The following MGST1 variants were observed in gnomAD, a reference collection of about 807,000 sequenced individuals.
MGST1 encodes the protein microsomal glutathione S-transferase 1.
MGST1 carries 5 observed loss-of-function variants against 8.9 expected under a neutral mutation model. The observed-to-expected ratio is 0.56, with a 90% CI of 0.29 to 1.19. The LOEUF is 1.19. Ranked by LOEUF, MGST1 falls within the 50% of genes most tolerant of loss-of-function variation. MGST1 has a pLI of 0.08. For missense variants in MGST1, 182 were observed against 187.4 expected (o/e 0.97, Z 0.17); for synonymous variants, 54 against 67.8 (o/e 0.80, Z 1.00).
chr12:16,536,378 A>G (rs902658128), intron 4 of MGST1, among the ~76,000 whole-genome samples: 3 of 152,190 alleles, frequency 2.0e-5, no homozygotes, highest in Non-Finnish European at 2.9e-5. Flanking sequence ...AGAATTATCA[A>G]TTCTATCTAA....
chr12:16,575,261 C>A (rs961046352), intron 4 of MGST1, among the ~76,000 whole-genome samples: 12 of 152,070 alleles, frequency 7.9e-5, no homozygotes, highest in Non-Finnish European at 1.5e-5. Flanking sequence ...TGTTTATCTT[C>A]AAAAATATAG....
intron 4 of MGST1, among the ~76,000 whole-genome samples, chr12:16,523,625 A>G (rs1447725403): frequency 3.3e-5 from 5 of 152,134 alleles, no homozygotes; most frequent in South Asian, 4.1e-4. Context: ...TCTGTCTTAC[A>G]TGCTATTCCA....
At chr12:16,467,386 C>T (rs80168600) in intron 4 of MGST1, among the ~76,000 whole-genome samples, 3,066 of 152,222 alleles carry the variant, frequency 0.02, 102 homozygotes, top group African/African-American at 0.07. Context: ...TTACATAAAC[C>T]ATCACATTCA....
chr12:16,409,331 C>T (rs115842509), intron 1 of MGST1, among the ~76,000 whole-genome samples: 21 of 151,828 alleles, frequency 1.4e-4, no homozygotes, highest in Non-Finnish European at 2.5e-4. Context: ...CACACACACA[C>T]CTATATATAT....
At chr12:16,476,245 C>A (rs547548434) in intron 4 of MGST1, among the ~76,000 whole-genome samples, 41 of 152,258 alleles carry the variant, frequency 2.7e-4, no homozygotes, top group Non-Finnish European at 5.3e-4. Flanking sequence ...AAACACTAAG[C>A]AGGAAAAATA....
chr12:16,553,001 G>C (rs1334071967), intron 4 of MGST1, among the ~76,000 whole-genome samples: 2 of 152,096 alleles, frequency 1.3e-5, no homozygotes, highest in Non-Finnish European at 2.9e-5. Flanking sequence ...TGTGACATCA[G>C]TCGACTTTGT....
intron 1 of MGST1, among the ~76,000 whole-genome samples, chr12:16,428,521 C>T (rs1053261951): frequency 6.7e-6 from 1 of 149,054 alleles, no homozygotes; most frequent in Non-Finnish European, 1.5e-5. Flanking sequence ...AATTATTATT[C>T]TAGTGTTTAT....
intron 4 of MGST1, among the ~76,000 whole-genome samples, chr12:16,588,674 T>C (rs1315780129): frequency 6.6e-6 from 1 of 152,102 alleles, no homozygotes; most frequent in Non-Finnish European, 1.5e-5. Context: ...TCTCCAGTGT[T>C]GAGATATTTT....
intron 4 of MGST1, among the ~76,000 whole-genome samples, chr12:16,475,797 G>C (rs570782770): frequency 1.3e-4 from 20 of 152,256 alleles, no homozygotes; most frequent in African/African-American, 4.6e-4. Context: ...CCAGGTGGCT[G>C]ATGAATTAAT....
chr12:16,538,608 C>CTTTTTTTTTTTTTT (rs35801123), intron 4 of MGST1, among the ~76,000 whole-genome samples: 4 of 128,242 alleles, frequency 3.1e-5, no homozygotes, highest in African/African-American at 1.2e-4. Flanking sequence ...AAAGGCACTT[C>CTTTTTTTTTTTTTT]TTTTTTTTTT....
rs373566219 is a variant in MGST1 at position 16,402,431 on chromosome 12, G to A, written n.778+18827G>A. ...CAGAGTCACAGCCATAGCCCTGGACGCCGCTTCTCCTCGGGTTCTGAGAAT... is the reference window on the plus strand; with the variant it reads ...CAGAGTCACAGCCATAGCCCTGGACACCGCTTCTCCTCGGGTTCTGAGAAT... On this transcript the variant is annotated intron_variant and non_coding_transcript_variant, in intron 1 of 1. Transcript: ENST00000359720. 4.9e-5 allele frequency: 79 copies of A among 1,603,586 alleles called. No homozygotes were observed. The East Asian group carries it at 8.7e-4, about 18-fold the overall frequency.
intron 4 of MGST1, among the ~76,000 whole-genome samples, chr12:16,540,293 G>GC (rs1202620986): frequency 1.3e-5 from 2 of 152,062 alleles, no homozygotes; most frequent in African/African-American, 4.8e-5. Context: ...ATTTTTTAGA[G>GC]CCAGGGTCTT....
chr12:16,485,061 G>C (rs1312073455), intron 4 of MGST1, among the ~76,000 whole-genome samples: 1 of 152,144 alleles, frequency 6.6e-6, no homozygotes, highest in African/African-American at 2.4e-5. Flanking sequence ...CAATCCCATA[G>C]TTGTTTTCAA....
chr12:16,364,805 T>C (rs1591705453), downstream of MGST1, among the ~76,000 whole-genome samples: 1 of 152,272 alleles, frequency 6.6e-6, no homozygotes, highest in East Asian at 1.9e-4. The surrounding 1 kb of genome is among the most constrained non-coding windows in gnomAD (Gnocchi z 5.7). Context: ...GATTCAAAGA[T>C]CAAACATTGC....
At position 16,483,906 on chromosome 12, in the gene MGST1, G is replaced by A. The variant is rs550486759; in HGVS notation, n.482+100302G>A. The stretch of plus-strand genomic sequence containing the variant: ...CACATAAAATGCACAGTACCTTCTT[G>A]AGAACACACAAAATATTTACAAAAA... On this transcript the variant is annotated intron_variant and non_coding_transcript_variant, in intron 4 of 4. Transcript: ENST00000538857. 6.5e-4 allele frequency among the ~76,000 whole-genome samples: 99 copies of A among 152,196 alleles called. 2 individuals are homozygous for A. Among genetic ancestry groups the A allele is most frequent in the African/African-American group, 2.3e-3 (97 of 41,510 alleles).
At chr12:16,382,280 T>G (rs772121580), upstream of MGST1, among the ~76,000 whole-genome samples, 1 of 152,188 alleles carries the variant, frequency 6.6e-6, no homozygotes. Context: ...TATCTACCTT[T>G]GGTCTTTGAT....
intron 4 of MGST1, among the ~76,000 whole-genome samples, chr12:16,527,576 A>G (rs565052159): frequency 1.2e-4 from 18 of 152,078 alleles, no homozygotes; most frequent in African/African-American, 3.9e-4. Context: ...CCATCACTCC[A>G]TTTCCTAGCC....
chr12:16,424,115 C>T (rs1022609002), intron 1 of MGST1, among the ~76,000 whole-genome samples: 3 of 152,166 alleles, frequency 2.0e-5, no homozygotes, highest in African/African-American at 7.2e-5. Context: ...TTTATTCACC[C>T]TTGTGTCTTC....
At chr12:16,445,450 C>G (rs918607715) in intron 4 of MGST1, among the ~76,000 whole-genome samples, 4 of 151,852 alleles carry the variant, frequency 2.6e-5, no homozygotes, top group African/African-American at 7.3e-5. Flanking sequence ...ACTTTGCATT[C>G]TAAGGATTAT....
Sources: gnomAD v4.1 joint callset for allele counts (sites outside exome capture counted in the v4.1 genomes callset) on GRCh38, gnomAD v4.1.1 for gene constraint, Gnocchi (gnomAD v3.1) non-coding constraint, MANE v1.5 for transcripts, NCBI Gene and HGNC (gene_info 2026-07-23, HGNC 2026-07-21) for gene names.